The following SLC39A12 variants were observed in gnomAD, a reference collection of about 807,000 sequenced individuals.
SLC39A12 encodes the protein solute carrier family 39 member 12, also known as zinc transporter ZIP12.
Under a neutral mutation model 71.1 loss-of-function variants are expected in SLC39A12, and 63 were observed. That is an observed-to-expected ratio of 0.89 (90% CI 0.72 to 1.09). SLC39A12 has a LOEUF of 1.09. Among genes scored for constraint, SLC39A12 ranks in the 50% least tolerant of loss-of-function variants. The pLI, the probability that SLC39A12 is intolerant of heterozygous loss-of-function variation, is 0.00. For missense variants in SLC39A12, 892 were observed against 812.6 expected, an observed-to-expected ratio of 1.10 and a Z score of -1.19; for synonymous variants, 351 against 301.3, an observed-to-expected ratio of 1.16 and a Z score of -1.71.
intron 4 of SLC39A12, among the ~76,000 whole-genome samples, chr10:17,965,988 A>C (rs986097829): frequency 2.6e-5 from 4 of 152,220 alleles, no homozygotes; most frequent in African/African-American, 9.6e-5. Flanking sequence ...ATAGTTTCTT[A>C]TTTGGGACAT....
chr10:18,040,947 A>G (rs1045527318), intron 12 of SLC39A12, among the ~76,000 whole-genome samples: 3 of 151,988 alleles, frequency 2.0e-5, no homozygotes, highest in Admixed American at 1.3e-4. Flanking sequence ...GTGGGCAGAG[A>G]CACAGCTGAC....
rs1459000709 is a variant in SLC39A12, at chr10:18,028,878, C to G, written c.1948-13827C>G. Among the ~76,000 whole-genome samples, 8 of 152,206 alleles carry G rather than the reference C, an allele frequency of 5.3e-5. No individual in the cohort carries two copies. The East Asian group carries it at 1.5e-3, about 29-fold the overall frequency. ...AGGATTATAGGCACCTGCCACCACA[C>G]TCGGCTAATTTTTGTGTTTTTAATA... On this transcript the variant is annotated intron_variant, in intron 12 of 12. Coordinates refer to ENST00000377369, the MANE Select transcript of SLC39A12 (RefSeq NM_001145195.2).
chr10:18,000,662 C>T lies in SLC39A12; in HGVS notation c.1601-5C>T. The T allele has an allele frequency of 1.2e-6, 2 of 1,613,898 alleles. No individual in the cohort carries two copies. Among genetic ancestry groups the T allele is most frequent in the Non-Finnish European group, 1.7e-6 (2 of 1,179,906 alleles). On this transcript the variant is annotated splice_region_variant and splice_polypyrimidine_tract_variant and intron_variant, in intron 10 of 12. Transcript: ENST00000377369. ...TGCTTCTTCTGTGTTTATTTGGTTCCTTAGGTAAAGCCATTAGCTTGTTAG... is the reference window on the plus strand; with the variant it reads ...TGCTTCTTCTGTGTTTATTTGGTTCTTTAGGTAAAGCCATTAGCTTGTTAG...
At chr10:18,016,201 T>C (rs1836377153) in intron 12 of SLC39A12, among the ~76,000 whole-genome samples, 3 of 152,182 alleles carry the variant, frequency 2.0e-5, no homozygotes, top group Non-Finnish European at 4.4e-5. Context: ...TTGTTTATTC[T>C]TCCTTCCCCC....
intron 12 of SLC39A12, among the ~76,000 whole-genome samples, chr10:18,020,473 GAT>G (rs2130874814): frequency 6.6e-6 from 1 of 152,050 alleles, no homozygotes; most frequent in Non-Finnish European, 1.5e-5. Flanking sequence ...TATTCTTTTG[GAT>G]ATATATAGCC....
chr10:17,987,747 A>G (rs1038041822), intron 7 of SLC39A12, 96 bp downstream of exon 7: 5 of 1,302,576 alleles, frequency 3.8e-6, no homozygotes, highest in African/African-American at 1.5e-5. Context: ...TGAGACTTCA[A>G]AGAGAGAGTA....
intron 4 of SLC39A12, among the ~76,000 whole-genome samples, chr10:17,968,307 G>C (rs557089309): frequency 6.6e-6 from 1 of 152,082 alleles, no homozygotes; most frequent in Non-Finnish European, 1.5e-5. Context: ...TCCTTATTAT[G>C]TTTCTGACTT....
At chr10:17,953,733 T>A (rs1227082276) in intron 2 of SLC39A12, among the ~76,000 whole-genome samples, 196 bp downstream of exon 2, 1 of 152,182 alleles carries the variant, frequency 6.6e-6, no homozygotes, top group Non-Finnish European at 1.5e-5. Flanking sequence ...TAGGGACATT[T>A]TTGTTGTTGA....
At chr10:17,961,025 TC>T (rs143969599) in intron 2 of SLC39A12, among the ~76,000 whole-genome samples, 1,826 of 152,274 alleles carry the variant, frequency 0.012, 15 homozygotes, top group Non-Finnish European at 0.019. Flanking sequence ...ATCAGATAGT[TC>T]TGTACTAGGG....
chr10:18,035,142 C>T (rs1440886140), intron 12 of SLC39A12, among the ~76,000 whole-genome samples: 7 of 147,430 alleles, frequency 4.7e-5, no homozygotes, highest in Non-Finnish European at 8.9e-5. Context: ...TTGCTCTTCT[C>T]GAGGAGTATC....
intron 4 of SLC39A12, among the ~76,000 whole-genome samples, chr10:17,973,897 A>AT (rs35451434): frequency 1.2e-4 from 17 of 147,044 alleles, no homozygotes; most frequent in African/African-American, 2.2e-4. Flanking sequence ...GTCGTGCTTT[A>AT]TTTTTTTTTT....
chr10:17,992,181 A>G (rs1386984878), intron 8 of SLC39A12, among the ~76,000 whole-genome samples: 3 of 152,090 alleles, frequency 2.0e-5, no homozygotes, highest in Non-Finnish European at 4.4e-5. Flanking sequence ...CTGTTTTATG[A>G]ATCAAAAAAT....
rs57839930 is a variant in SLC39A12, at chr10:17,987,944, C to T, written c.1269+293C>T. ...ATCCCAGTACCATGGAAGGCTGAGG[C>T]GGGAAGATCGCTGGAGCCCAGGAGC... On this transcript the variant is annotated intron_variant, in intron 7 of 12. Coordinates refer to ENST00000377369, the MANE Select transcript of SLC39A12 (RefSeq NM_001145195.2). Among the ~76,000 whole-genome samples the T allele has an allele frequency of 0.014, 2,203 of 152,178 alleles. 73 individuals carry two copies. The highest frequency in any genetic ancestry group is 0.049 in the African/African-American group (2,042 of 41,508).
chr10:17,967,754 G>A (rs1834864951), intron 4 of SLC39A12, among the ~76,000 whole-genome samples: 1 of 151,518 alleles, frequency 6.6e-6, no homozygotes, highest in African/African-American at 2.4e-5. Context: ...AGGCGTGATG[G>A]CGGGCGCCTG....
At chr10:17,952,683 G>A (rs1554847258) in intron 1 of SLC39A12, among the ~76,000 whole-genome samples, 1 of 151,744 alleles carries the variant, frequency 6.6e-6, no homozygotes, top group Non-Finnish European at 1.5e-5. Flanking sequence ...AGACGGGGGT[G>A]TCACCATATT....
chr10:17,981,280 AT>A, intron 5 of SLC39A12, 31 bp from the exon 6 acceptor site: 1 of 1,560,526 alleles, frequency 6.4e-7, no homozygotes. Context: ...ATATGCTGAG[AT>A]TAGTAACAAT....
chr10:18,038,487 C>T (rs886355912), intron 12 of SLC39A12, among the ~76,000 whole-genome samples: 9 of 152,168 alleles, frequency 5.9e-5, no homozygotes, highest in Admixed American at 5.9e-4. Context: ...CCAGTCTCTA[C>T]TAAAAACACA....
intron 12 of SLC39A12, among the ~76,000 whole-genome samples, chr10:18,019,133 T>C (rs1200571308): frequency 6.6e-6 from 1 of 152,092 alleles, no homozygotes; most frequent in Admixed American, 6.5e-5. Context: ...CTGACTGTGT[T>C]TTTCAGGGAA....
In SLC39A12 at chr10:18,036,771, TATATATATATATATATATATATA is replaced by T. The variant is rs1350813688; in HGVS notation, c.1948-5933_1948-5911del. Among the ~76,000 whole-genome samples, 132 of 46,976 alleles carry T rather than the reference TATATATATATATATATATATATA, an allele frequency of 2.8e-3. 9 individuals carry two copies. Among genetic ancestry groups the T allele is most frequent in the Middle Eastern group, 8.6e-3 (1 of 116 alleles). 30.8% of individuals were successfully genotyped at this position (46,976 alleles called of 152,430 possible). ...TTATATATATATATATATATATATA[TATATATATATATATATATATATA>T]TTTTTTTTTTTAATGGAATCTCACT... On this transcript the variant is annotated intron_variant, in intron 12 of 12. Coordinates refer to ENST00000377369, the MANE Select transcript of SLC39A12 (RefSeq NM_001145195.2).
Sources: allele counts gnomAD v4.1 joint callset (sites outside exome capture counted in the v4.1 genomes callset), GRCh38; gene constraint gnomAD v4.1.1; transcripts MANE v1.5; gene names NCBI Gene and HGNC (gene_info 2026-07-23, HGNC 2026-07-21).